Variants in PHIP observed in about 807,000 individuals in gnomAD.
PHIP encodes PHIP subunit of CUL4-Ring ligase complex, also known as PH-interacting protein.
Under a neutral mutation model 236.8 loss-of-function variants are expected in PHIP, and 54 were observed. The ratio of observed to expected loss-of-function variants is 0.23; its 90% CI spans 0.18 to 0.29. The LOEUF is 0.29. PHIP is among the 10% of genes least tolerant of loss of function. The pLI is 1.00. For missense variants in PHIP, 1,370 were observed against 2,190.8 expected (o/e 0.63, Z 7.48); for synonymous variants, 756 against 718.9 (o/e 1.05, Z -0.83).
chr6:79,042,328 C>G (rs765141888), intron 7 of PHIP, among the ~76,000 whole-genome samples: 1 of 151,882 alleles, frequency 6.6e-6, no homozygotes, highest in Non-Finnish European at 1.5e-5. Flanking sequence ...GAAGAATGAA[C>G]TGTTAAGAAT....
chr6:78,970,580 A>G (rs575511162), intron 25 of PHIP, among the ~76,000 whole-genome samples: 1 of 152,284 alleles, frequency 6.6e-6, no homozygotes, highest in Non-Finnish European at 1.5e-5. Context: ...CATAAACTGC[A>G]TTGGAGTATA....
At chr6:79,016,812 A>G (rs1244971494) in intron 12 of PHIP, among the ~76,000 whole-genome samples, 170 bp from the exon 13 acceptor site, 1 of 151,950 alleles carries the variant, frequency 6.6e-6, no homozygotes, top group African/African-American at 2.4e-5. Flanking sequence ...CAAACATTCC[A>G]ATTTTCATGG....
At chr6:79,041,019 C>T (rs915737891) in intron 7 of PHIP, among the ~76,000 whole-genome samples, 3 of 152,108 alleles carry the variant, frequency 2.0e-5, no homozygotes, top group African/African-American at 7.2e-5. Flanking sequence ...CTCTAAATCA[C>T]ATGCCCTTAA....
At chr6:78,947,529 CTT>C (rs1440023433) in intron 36 of PHIP, 92 bp downstream of exon 36, 1 of 621,022 alleles carries the variant, frequency 1.6e-6, no homozygotes, top group Non-Finnish European at 2.7e-6. Flanking sequence ...AGAAAGTTAA[CTT>C]TGACCTAAAT....
At chr6:78,942,933 T>A (rs1208194106) in intron 39 of PHIP, among the ~76,000 whole-genome samples, 2 of 152,164 alleles carry the variant, frequency 1.3e-5, no homozygotes, top group Non-Finnish European at 2.9e-5. Flanking sequence ...AAAAAGGAAT[T>A]CAGAAGTTTT....
rs569557158 is a variant in PHIP at position 79,076,528 on chromosome 6, G to C, written c.189+920C>G. On this transcript the variant is annotated intron_variant, in intron 4 of 39. Transcript: ENST00000275034. ...TAACTTCCAATCACAATACTGAAGT[G>C]ATAAATCCACTTCTGAAAAGCAATT... Among the ~76,000 whole-genome samples, 15 of 152,204 alleles carry C rather than the reference G, an allele frequency of 9.9e-5. No individual in the cohort carries two copies. The East Asian group carries it at 2.9e-3, about 29-fold the overall frequency.
At chr6:79,062,994 G>A (rs895663217) in intron 4 of PHIP, among the ~76,000 whole-genome samples, 7 of 152,160 alleles carry the variant, frequency 4.6e-5, no homozygotes, top group Non-Finnish European at 8.8e-5. Flanking sequence ...CTCTAGCACT[G>A]TGTAGTACTT....
At position 79,072,798 on chromosome 6, in the gene PHIP, A is replaced by G. The variant is rs528601774; in HGVS notation, c.189+4650T>C. 5.3e-5 allele frequency among the ~76,000 whole-genome samples: 8 copies of G among 152,264 alleles called. No individual in the cohort carries two copies. In the East Asian group the frequency reaches 1.5e-3, roughly 29 times the overall value. On this transcript the variant is annotated intron_variant, in intron 4 of 39. Coordinates refer to ENST00000275034, the MANE Select transcript of PHIP (RefSeq NM_017934.7). ...TTTTAATGTGGCCTTTTTATACTGCAGATTCTATGTTCAGAAAGTATATAC... is the reference window on the plus strand; with the variant it reads ...TTTTAATGTGGCCTTTTTATACTGCGGATTCTATGTTCAGAAAGTATATAC...
chr6:78,987,977 T>C (rs1036783177), intron 21 of PHIP, among the ~76,000 whole-genome samples: 1 of 152,212 alleles, frequency 6.6e-6, no homozygotes, highest in Non-Finnish European at 1.5e-5. Context: ...AGAATCCTTA[T>C]CTATAAAATG....
chr6:79,075,604 C>T (rs78830482), intron 4 of PHIP, among the ~76,000 whole-genome samples: 7,547 of 105,624 alleles, frequency 0.071, 278 homozygotes, highest in Non-Finnish European at 0.099. Context: ...TAAATTAACT[C>T]AAAATCAAAA....
chr6:79,057,921 A>T (rs1773155045), intron 6 of PHIP, among the ~76,000 whole-genome samples: 1 of 152,174 alleles, frequency 6.6e-6, no homozygotes, highest in Non-Finnish European at 1.5e-5. Context: ...CAAAATATAT[A>T]CCATGGTGAA....
chr6:79,013,308 C>CTTT (rs1228152375), intron 15 of PHIP, among the ~76,000 whole-genome samples: 1 of 151,646 alleles, frequency 6.6e-6, no homozygotes, highest in African/African-American at 2.4e-5. Flanking sequence ...GGGTGGCTCA[C>CTTT]TTTCTGTTTT....
chr6:78,989,394 C>G (rs1184989451), intron 20 of PHIP, among the ~76,000 whole-genome samples: 2 of 152,148 alleles, frequency 1.3e-5, no homozygotes, highest in Non-Finnish European at 2.9e-5. Flanking sequence ...CGCACTCTGG[C>G]CTGGGTAACA....
At position 79,025,961 on chromosome 6, in the gene PHIP, T is replaced by G. The variant is rs760645377; in HGVS notation, c.804A>C (p.Ala268=). The change falls in exon 8 of 40, where the codon GCA becomes GCC. Residue 268 remains alanine (A), a synonymous_variant. Coordinates refer to ENST00000275034, the MANE Select transcript of PHIP (RefSeq NM_017934.7). ...APLAVLQGHS[A]SITSLQFSPL... ...CAATTACCTGTAGTGATGTAATAGA[T>G]GCACTATGGCCCTGAAGAACAGCCA... is the stretch of plus-strand genomic sequence containing the variant. The G allele has an allele frequency of 2.5e-6, 4 of 1,610,214 alleles. No homozygotes were observed. The East Asian group carries it at 8.9e-5, about 36-fold the overall frequency.
At chr6:78,996,062 G>A (rs1769592249) in intron 19 of PHIP, among the ~76,000 whole-genome samples, 1 of 152,134 alleles carries the variant, frequency 6.6e-6, no homozygotes, top group African/African-American at 2.4e-5. Context: ...CACTCCTCAG[G>A]TTCCCTTCCA....
chr6:79,046,352 CCTGCCAT>C (rs1166395703), intron 6 of PHIP, among the ~76,000 whole-genome samples: 1 of 152,130 alleles, frequency 6.6e-6, no homozygotes, highest in African/African-American at 2.4e-5. Context: ...CAACACAGCC[CCTGCCAT>C]CACCCATAAC....
chr6:79,076,801 C>T (rs1774183731), intron 4 of PHIP, among the ~76,000 whole-genome samples: 1 of 152,140 alleles, frequency 6.6e-6, no homozygotes, highest in African/African-American at 2.4e-5. Flanking sequence ...AGGCTTTACA[C>T]TTCTGCAAAG....
chr6:78,974,882 C>G (rs957415218), intron 24 of PHIP, among the ~76,000 whole-genome samples: 2 of 151,510 alleles, frequency 1.3e-5, no homozygotes, highest in African/African-American at 4.9e-5. Context: ...CAATAATCAA[C>G]AGCTTACCAA....
chr6:79,055,265 T>A (rs1167202968), intron 6 of PHIP, among the ~76,000 whole-genome samples: 2 of 152,212 alleles, frequency 1.3e-5, no homozygotes, highest in African/African-American at 4.8e-5. Flanking sequence ...TTTAATTTAA[T>A]GTATTACAAT....
Sources: allele counts gnomAD v4.1 joint callset (sites outside exome capture counted in the v4.1 genomes callset), GRCh38; gene constraint gnomAD v4.1.1; transcripts MANE v1.5; gene names NCBI Gene and HGNC (gene_info 2026-07-23, HGNC 2026-07-21).